Variants in COL13A1 observed in about 807,000 individuals in gnomAD.
The protein encoded by COL13A1 is collagen type XIII alpha 1 chain, also known as collagen alpha-1(XIII) chain.
A neutral mutation model predicts 130.9 loss-of-function variants in COL13A1; 89 were observed. The observed-to-expected ratio is 0.68, with a 90% CI of 0.57 to 0.81. The LOEUF (loss-of-function observed/expected upper bound fraction) is 0.81, where lower values mean the gene tolerates loss of function less well. Ranked by LOEUF, COL13A1 falls within the 30% of genes least tolerant of loss-of-function variation. The probability of loss-of-function intolerance (pLI) is 0.00; values close to 1 mark genes in which losing one functional copy is unlikely to be tolerated. For missense variants in COL13A1, 879 were observed against 934.6 expected, an observed-to-expected ratio of 0.94 and a Z score of 0.78; for synonymous variants, 402 against 341.6, an observed-to-expected ratio of 1.18 and a Z score of -1.95.
In COL13A1 at chr10:69,946,018, C is replaced by T. The variant is rs529972837; in HGVS notation, c.2022+294C>T. ...CCAGGAGGTGGAGGTTGCAGTGAGC[C>T]GAGATCGCACCACTGCACTCCAGCC... On this transcript the variant is annotated intron_variant, in intron 37 of 40. Coordinates refer to ENST00000645393, the MANE Select transcript of COL13A1 (RefSeq NM_001368882.1). 3.4e-4 allele frequency among the ~76,000 whole-genome samples: 52 copies of T among 151,050 alleles called. No individual in the cohort carries two copies. In the South Asian group the frequency reaches 7.1e-3, roughly 21 times the overall value.
chr10:69,930,791 C>T (rs950681889), intron 30 of COL13A1, among the ~76,000 whole-genome samples: 1 of 152,238 alleles, frequency 6.6e-6, no homozygotes, highest in Non-Finnish European at 1.5e-5. Context: ...GGGAAAGCCA[C>T]TCACTGTTGC....
intron 8 of COL13A1, 81 bp downstream of exon 8, chr10:69,887,572 C>A: frequency 1.4e-6 from 2 of 1,454,990 alleles, no homozygotes; most frequent in Non-Finnish European, 9.5e-7. Flanking sequence ...GAGGTCAGCC[C>A]CGGTTCCACT....
intron 1 of COL13A1, among the ~76,000 whole-genome samples, chr10:69,808,156 C>A (rs1380858007): frequency 1.3e-5 from 2 of 152,182 alleles, no homozygotes; most frequent in African/African-American, 4.8e-5. Flanking sequence ...AGACTGAGGA[C>A]CTCAGGAGGC....
chr10:69,956,145 C>T (rs2070636780), intron 39 of COL13A1: 1 of 152,272 alleles, frequency 6.6e-6, no homozygotes, highest in Non-Finnish European at 1.5e-5. Flanking sequence ...AGAACCAGAC[C>T]TTTGCCCTTG....
At chr10:69,829,788 C>T (rs1048271744) in intron 2 of COL13A1, among the ~76,000 whole-genome samples, 5 of 152,224 alleles carry the variant, frequency 3.3e-5, no homozygotes, top group African/African-American at 4.8e-5. Context: ...CCAGGTGCTG[C>T]GCGGCTGCTA....
In COL13A1 at chr10:69,844,146, G is replaced by C. The variant is rs542184633; in HGVS notation, c.364+21708G>C. On this transcript the variant is annotated intron_variant, in intron 2 of 40. Coordinates refer to ENST00000645393, the MANE Select transcript of COL13A1 (RefSeq NM_001368882.1). ...TTGAAGGAGGTGTAGGATTTGAGTC[G>C]GAGAGGGCAGGAGGACATTCCAAAC... is the stretch of plus-strand genomic sequence containing the variant. Among the ~76,000 whole-genome samples the C allele has an allele frequency of 3.9e-4, 59 of 152,298 alleles. 1 individual carries two copies. Among genetic ancestry groups the C allele is most frequent in the African/African-American group, 1.4e-3 (59 of 41,564 alleles).
At chr10:69,952,304 C>T (rs1237508592) in intron 38 of COL13A1, among the ~76,000 whole-genome samples, 1 of 152,232 alleles carries the variant, frequency 6.6e-6, no homozygotes, top group East Asian at 1.9e-4. Context: ...CACACTCAAA[C>T]GTGGGCACAC....
chr10:69,947,252 A>G, intron 37 of COL13A1, 55 bp from the exon 38 acceptor site: 1 of 1,531,860 alleles, frequency 6.5e-7, no homozygotes, highest in South Asian at 1.1e-5. Context: ...AAAGCACTGT[A>G]CAGCTGGCCT....
intron 2 of COL13A1, among the ~76,000 whole-genome samples, chr10:69,846,604 A>G (rs776642624): frequency 1.3e-5 from 2 of 152,136 alleles, no homozygotes; most frequent in South Asian, 2.1e-4. Flanking sequence ...GGGACATTCA[A>G]TCCTTCCTTT....
At chr10:69,945,315 C>T (rs1244480749) in intron 36 of COL13A1, among the ~76,000 whole-genome samples, 1 of 152,230 alleles carries the variant, frequency 6.6e-6, no homozygotes, top group Non-Finnish European at 1.5e-5. Context: ...ACCCTTGAGG[C>T]TCTGGAGAAG....
At chr10:69,810,376 G>GAGAGAGAGACAGAGAC (rs1230051691) in intron 1 of COL13A1, among the ~76,000 whole-genome samples, 7 of 133,816 alleles carry the variant, frequency 5.2e-5, no homozygotes, top group African/African-American at 2.0e-4. Flanking sequence ...GAGAGAGAGA[G>GAGAGAGAGACAGAGAC]AGAGACAGAG....
intron 2 of COL13A1, among the ~76,000 whole-genome samples, chr10:69,842,958 G>A (rs1852001064): frequency 6.6e-6 from 1 of 152,240 alleles, no homozygotes; most frequent in Admixed American, 6.5e-5. Context: ...TCAGGACGCA[G>A]TAAGGTTAAT....
intron 2 of COL13A1, among the ~76,000 whole-genome samples, chr10:69,837,155 A>T (rs181642726): frequency 1.3e-5 from 2 of 152,278 alleles, no homozygotes; most frequent in East Asian, 3.9e-4. Context: ...TAGAACCTGG[A>T]TGTGAGTCCT....
Position 69,923,851 on chromosome 10 carries a change from A to G in COL13A1, c.1280A>G (p.Asp427Gly). 4.3e-6 allele frequency: 7 copies of G among 1,611,930 alleles called. No homozygotes were observed. Among genetic ancestry groups the G allele is most frequent in the African/African-American group, 1.3e-5 (1 of 75,010 alleles). ...GQVGPPGQPG[D>G]KGERGAAGEQ... ...GTTGGCCCCCCAGGGCAGCCAGGAG[A>G]CAAGGTACAGAGACCCCCACATCCC... Residue 427 changes from aspartate (D) to glycine (G), a missense_variant, in exon 24 of 41, where the codon GAC becomes GGC. By Grantham distance (94) the Asp-to-Gly change is moderately conservative. This residue lies in a region of COL13A1 where 715 missense variants were observed against 721.0 expected (regional missense o/e 0.99). Coordinates refer to ENST00000645393, the MANE Select transcript of COL13A1 (RefSeq NM_001368882.1).
chr10:69,855,304 GTTTC>G (rs1490482461), intron 2 of COL13A1, among the ~76,000 whole-genome samples: 2 of 152,128 alleles, frequency 1.3e-5, no homozygotes, highest in African/African-American at 2.4e-5. Flanking sequence ...GAGACTGTGT[GTTTC>G]TTTATTTCTT....
At chr10:69,867,684 G>A in intron 2 of COL13A1, 114 bp from the exon 3 acceptor site, 1 of 670,252 alleles carries the variant, frequency 1.5e-6, no homozygotes, top group Admixed American at 2.4e-5. Context: ...AAACTTCGAA[G>A]ACCAGATGGA....
intron 27 of COL13A1, among the ~76,000 whole-genome samples, chr10:69,927,497 G>A (rs898288801): frequency 1.3e-5 from 2 of 152,178 alleles, no homozygotes; most frequent in African/African-American, 2.4e-5. Flanking sequence ...TGAAAAACTA[G>A]TAGCAACCTA....
chr10:69,886,037 A>G (rs2060568017), intron 7 of COL13A1, among the ~76,000 whole-genome samples: 1 of 152,168 alleles, frequency 6.6e-6, no homozygotes, highest in African/African-American at 2.4e-5. Context: ...GGCTTCAGGG[A>G]GGACCCTAGC....
intron 33 of COL13A1, 61 bp downstream of exon 33, chr10:69,936,843 C>A: frequency 2.5e-6 from 4 of 1,601,764 alleles, no homozygotes; most frequent in Non-Finnish European, 3.4e-6. Context: ...GGAAAGTGCA[C>A]CTGAGACCAG....
Sources: allele counts gnomAD v4.1 joint callset (sites outside exome capture counted in the v4.1 genomes callset), GRCh38; gene constraint gnomAD v4.1.1; regional missense constraint gnomAD v4.1.1; transcripts MANE v1.5; gene names NCBI Gene and HGNC (gene_info 2026-07-23, HGNC 2026-07-21).